ECHDC2: variants seen among roughly 807,000 people sequenced by gnomAD.
ECHDC2 encodes enoyl-CoA hydratase domain containing 2.
In ECHDC2, 34 loss-of-function variants were observed where a neutral mutation model predicts 40.6. The observed-to-expected ratio is 0.84, with a 90% CI of 0.64 to 1.11. ECHDC2 has a LOEUF of 1.11. ECHDC2 is among the 50% of genes most tolerant of loss of function. ECHDC2 has a pLI of 0.00. For missense variants in ECHDC2, 392 were observed against 400.7 expected (o/e 0.98, Z 0.19); for synonymous variants, 162 against 166.6 (o/e 0.97, Z 0.21).
At chr1:52,903,809 C>A (rs115441370) in intron 7 of ECHDC2, among the ~76,000 whole-genome samples, 1 of 147,200 alleles carries the variant, frequency 6.8e-6, no homozygotes, top group Admixed American at 6.7e-5. Flanking sequence ...TGTTGTATTT[C>A]TTTCTTTCTT....
chr1:52,900,521 ATTTC>A (rs1646923303), intron 7 of ECHDC2: 1 of 152,198 alleles, frequency 6.6e-6, no homozygotes, highest in Admixed American at 6.5e-5. Flanking sequence ...CTCGAAAGAT[ATTTC>A]TTGTCCTCTA....
At chr1:52,910,809 G>A (rs1014391418) in intron 3 of ECHDC2, among the ~76,000 whole-genome samples, 9 of 152,252 alleles carry the variant, frequency 5.9e-5, no homozygotes, top group African/African-American at 1.9e-4. Context: ...ACGGTGGCAT[G>A]CAGGTGGGCA....
At chr1:52,912,214 T>G (rs1354590694) in intron 1 of ECHDC2, 2 of 249,968 alleles carry the variant, frequency 8.0e-6, no homozygotes, top group African/African-American at 2.3e-5. Flanking sequence ...TTGCTGTTTT[T>G]TTTTTTTTTT....
At chr1:52,901,187 T>C (rs1646969868) in intron 7 of ECHDC2, 2 of 145,486 alleles carry the variant, frequency 1.4e-5, no homozygotes, top group African/African-American at 5.3e-5. Context: ...AATAAATAAA[T>C]AAATAAAGTA....
chr1:52,912,101 G>GACAC lies in ECHDC2; in HGVS notation c.122-315_122-312dup, dbSNP rs1027101913. On this transcript the variant is annotated intron_variant, in intron 1 of 9. Coordinates refer to ENST00000371522, the MANE Select transcript of ECHDC2 (RefSeq NM_001198961.2). The stretch of plus-strand genomic sequence containing the variant: ...TGCTTCTGCTGTTGTTAGACAGACA[G>GACAC]ACACACACACACACAAGCACACATG... 3.3e-6 allele frequency: 4 copies of GACAC among 1,222,984 alleles called. No homozygotes were observed. The East Asian group carries it at 1.4e-4, about 43-fold the overall frequency. 75.8% of individuals were successfully genotyped at this position (1,222,984 alleles called of 1,614,324 possible).
At chr1:52,908,468 C>T (rs1167941606) in intron 3 of ECHDC2, among the ~76,000 whole-genome samples, 1 of 151,982 alleles carries the variant, frequency 6.6e-6, no homozygotes, top group East Asian at 1.9e-4. Flanking sequence ...ACCAACTGCA[C>T]TCCAGCCTCG....
Position 52,906,525 on chromosome 1 carries a change from CTCGGAGG to C in ECHDC2, c.444_450del (p.Asp148GlufsTer11). On this transcript the variant is annotated frameshift_variant, in exon 5 of 10. Transcript: ENST00000371522. LOFTEE classifies it high-confidence loss of function. ...CCCAGTCCTGGCCCAGTACCTGCCA[CTCGGAGG>C]TCACAGGCCAGGGCAAGCTCTAGGC... 1 of 1,611,352 alleles carries C rather than the reference CTCGGAGG, an allele frequency of 6.2e-7. No homozygotes were observed. Among genetic ancestry groups the C allele is most frequent in the Non-Finnish European group, 8.5e-7 (1 of 1,179,316 alleles).
chr1:52,906,091 G>A (rs759875035), intron 5 of ECHDC2: 2 of 349,552 alleles, frequency 5.7e-6, no homozygotes, highest in Non-Finnish European at 1.1e-5. Flanking sequence ...AACAAGTAAT[G>A]CAAATTTGGC....
chr1:52,905,085 AG>A lies in ECHDC2; in HGVS notation c.462del (p.Ser155ArgfsTer6). 1 of 1,614,092 alleles carries A rather than the reference AG, an allele frequency of 6.2e-7. No individual in the cohort carries two copies. Among genetic ancestry groups the A allele is most frequent in the South Asian group, 1.1e-5 (1 of 91,082 alleles). On this transcript the variant is annotated frameshift_variant, in exon 6 of 10. Coordinates refer to ENST00000371522, the MANE Select transcript of ECHDC2 (RefSeq NM_001198961.2). LOFTEE classifies it high-confidence loss of function. ...ALACDLRVAA[S>X]SAVMGLIETT... ...GTCTCAATCAGTCCCATGACTGCCG[AG>A]GAAGCTGCTCAGATAGAACAAAGTG...
chr1:52,897,109 G>C (rs1646686689), intron 9 of ECHDC2: 1 of 430,540 alleles, frequency 2.3e-6, no homozygotes. Context: ...CCAAGCCCTT[G>C]ACCTCCCAAC....
In ECHDC2 at chr1:52,918,020, G is replaced by A. The variant is rs866172163; in HGVS notation, c.121+3533C>T. 1.5e-4 allele frequency among the ~76,000 whole-genome samples: 23 copies of A among 152,044 alleles called. No individual in the cohort carries two copies. In the South Asian group the frequency reaches 3.1e-3, roughly 21 times the overall value. On this transcript the variant is annotated intron_variant, in intron 1 of 9. Transcript: ENST00000371522. ...GTCTTACTCTGTTGCCCAGGCTGGA[G>A]TACAGTAACACGATCATGGCTCACT... is the stretch of plus-strand genomic sequence containing the variant.
intron 8 of ECHDC2, chr1:52,897,693 G>T (rs966533511): frequency 1.6e-5 from 10 of 618,266 alleles, no homozygotes; most frequent in African/African-American, 1.1e-4. Context: ...CCAGAGAAGA[G>T]GAGTTCTCCT....
chr1:52,899,335 C>T (rs190399491), intron 7 of ECHDC2, 111 bp from the exon 8 acceptor site: 1 of 983,656 alleles, frequency 1.0e-6, no homozygotes. Flanking sequence ...GGGTCTGGTT[C>T]CAGCCATTCT....
At chr1:52,908,956 G>GAAAAAAAAAAAAAAAAAAAAAAAAA (rs1190885771) in intron 3 of ECHDC2, among the ~76,000 whole-genome samples, 1 of 141,828 alleles carries the variant, frequency 7.1e-6, no homozygotes, top group African/African-American at 2.7e-5. Context: ...AAAAAAAAAG[G>GAAAAAAAAAAAAAAAAAAAAAAAAA]AAAAAGGACT....
chr1:52,910,352 G>GTTTTTTTTTTTTTTTTTTTT (rs869088329), intron 3 of ECHDC2, among the ~76,000 whole-genome samples: 5 of 32,102 alleles, frequency 1.6e-4, no homozygotes, highest in African/African-American at 2.2e-4. Flanking sequence ...CCACAATTTC[G>GTTTTTTTTTTTTTTTTTTTT]TTTTTTTTTT....
At chr1:52,907,285 G>C (rs1282507121) in intron 4 of ECHDC2, 1 of 152,532 alleles carries the variant, frequency 6.6e-6, no homozygotes, top group Non-Finnish European at 1.5e-5. Context: ...GATGATCCCT[G>C]TTCAGGCCTA....
chr1:52,905,417 G>A (rs575656598), intron 5 of ECHDC2: 31 of 380,110 alleles, frequency 8.2e-5, no homozygotes, highest in Non-Finnish European at 1.3e-4. Context: ...GAGGTACGAC[G>A]CTTGGAACAA....
At position 52,907,850 on chromosome 1, in the gene ECHDC2, C is replaced by T. The variant is rs373840820; in HGVS notation, c.364+18G>A. On this transcript the variant is annotated intron_variant, in intron 4 of 9. Transcript: ENST00000371522. ...GGACCCCCAAACCCCCTCCTCCACC[C>T]CACACCCAGATCCTCACCGATGTCA... 6.2e-7 allele frequency: 1 copy of T among 1,610,298 alleles called. No individual in the cohort carries two copies. The highest frequency in any genetic ancestry group is 1.7e-5 in the Admixed American group (1 of 59,940).
chr1:52,907,365 C>A (rs1648188617), intron 4 of ECHDC2: 1 of 154,052 alleles, frequency 6.5e-6, no homozygotes, highest in African/African-American at 2.4e-5. Flanking sequence ...GAACTGGGAA[C>A]ACAGAATGAA....
Sources: allele counts gnomAD v4.1 joint callset (sites outside exome capture counted in the v4.1 genomes callset), GRCh38; gene constraint gnomAD v4.1.1; transcripts MANE v1.5; gene names NCBI Gene and HGNC (gene_info 2026-07-23, HGNC 2026-07-21).